Variants in CAPN3 observed in about 807,000 individuals in gnomAD.
CAPN3 encodes the protein calpain-3.
A neutral mutation model predicts 114.0 loss-of-function variants in CAPN3; 88 were observed. That is an observed-to-expected ratio of 0.77 (90% CI 0.65 to 0.92). CAPN3 has a LOEUF of 0.92. CAPN3 is among the 40% of genes least tolerant of loss of function. The pLI is 0.00. For synonymous variants in CAPN3, 386 were observed against 382.9 expected (o/e 1.01, Z -0.09); for missense variants, 1,028 against 1,069.0 (o/e 0.96, Z 0.53).
At chr15:42,408,790 A>G in intron 16 of CAPN3, 2 of 320,754 alleles carry the variant, frequency 6.2e-6, no homozygotes, top group Non-Finnish European at 6.1e-6. Flanking sequence ...CCTTAGAGGC[A>G]AAAGTCTCCA....
chr15:42,379,341 A>G lies in CAPN3; in HGVS notation c.310-5142A>G, dbSNP rs117802053. Among the ~76,000 whole-genome samples, 677 of 152,150 alleles carry G rather than the reference A, an allele frequency of 4.4e-3. 6 individuals carry two copies. Among genetic ancestry groups the G allele is most frequent in the Non-Finnish European group, 7.9e-3 (540 of 67,998 alleles). On this transcript the variant is annotated intron_variant, in intron 1 of 23. Transcript: ENST00000397163. ...AAAAAAATTGGTTAAGGTGTGTTTTATGGCTCAGAATGTGTTCTGTCTTAC... is the reference window on the plus strand; with the variant it reads ...AAAAAAATTGGTTAAGGTGTGTTTTGTGGCTCAGAATGTGTTCTGTCTTAC...
intron 1 of CAPN3, among the ~76,000 whole-genome samples, chr15:42,372,169 T>C (rs1453959412): frequency 6.6e-6 from 1 of 152,116 alleles, no homozygotes; most frequent in Non-Finnish European, 1.5e-5. Context: ...TAACATTTTT[T>C]TTTCTTTGAG....
chr15:42,370,378 G>A (rs1331568663), intron 1 of CAPN3, among the ~76,000 whole-genome samples: 2 of 152,198 alleles, frequency 1.3e-5, no homozygotes, highest in Non-Finnish European at 2.9e-5. Context: ...CTCCATGCCA[G>A]CATGAGAAGA....
chr15:42,365,577 T>C (rs1021435103), intron 1 of CAPN3, among the ~76,000 whole-genome samples: 3 of 151,932 alleles, frequency 2.0e-5, no homozygotes, highest in East Asian at 1.9e-4. Flanking sequence ...ATGGGTCTTT[T>C]CCCCTCACCT....
In CAPN3 at chr15:42,409,931, A is replaced by C. The variant is rs747745544; in HGVS notation, c.2051A>C (p.His684Pro). 1 of 1,612,502 alleles carries C rather than the reference A, an allele frequency of 6.2e-7. No individual in the cohort carries two copies. Among genetic ancestry groups the C allele is most frequent in the African/African-American group, 1.3e-5 (1 of 74,852 alleles). ...TCCTCACTCTTCTCCATCCCCCCAG[A>C]CAAGGACCTGAAGACACACGGGTTC... ...KKVLNTVVNK[H>P]KDLKTHGFTL... Residue 684 changes from histidine (H) to proline (P), a missense_variant and splice_region_variant, in exon 19 of 24, where the codon CAC becomes CCC. His to Pro is a moderately conservative substitution (Grantham distance 77, BLOSUM62 -2). Coordinates refer to ENST00000397163, the MANE Select transcript of CAPN3 (RefSeq NM_000070.3).
chr15:42,366,830 TTTTTTTTTTC>T (rs998478867), intron 1 of CAPN3, among the ~76,000 whole-genome samples: 1 of 141,372 alleles, frequency 7.1e-6, no homozygotes, highest in African/African-American at 2.9e-5. Flanking sequence ...TTTTTTTTCT[TTTTTTTTTTC>T]TTTTTTTTTT....
chr15:42,403,639 C>A, intron 13 of CAPN3, 102 bp from the exon 14 acceptor site: 1 of 1,097,778 alleles, frequency 9.1e-7, no homozygotes, highest in Non-Finnish European at 1.4e-6. Flanking sequence ...GAGGCTGGTT[C>A]TGGCTTGGCT....
chr15:42,402,849 A>G lies in CAPN3; in HGVS notation c.1592A>G (p.Lys531Arg), dbSNP rs924102990. The stretch of plus-strand genomic sequence containing the variant: ...GACTTCTTCCTGTACAACGCCTCCA[A>G]GGCCAGGAGCAAAACCTACATCAAC... ...QKDFFLYNAS[K>R]ARSKTYINMR... Residue 531 changes from lysine to arginine, a missense_variant, in exon 13 of 24, where the codon AAG (lysine) becomes AGG (arginine). Lys to Arg is a conservative substitution (Grantham distance 26). Coordinates refer to ENST00000397163, the MANE Select transcript of CAPN3 (RefSeq NM_000070.3). 6.2e-7 allele frequency: 1 copy of G among 1,614,212 alleles called. No homozygotes were observed. Among genetic ancestry groups the G allele is most frequent in the Non-Finnish European group, 8.5e-7 (1 of 1,180,026 alleles).
intron 14 of CAPN3, among the ~76,000 whole-genome samples, chr15:42,405,654 C>T (rs910316233): frequency 1.3e-5 from 2 of 152,140 alleles, no homozygotes; most frequent in Non-Finnish European, 2.9e-5. Flanking sequence ...AAACCTTAGC[C>T]AGAAGATCTT....
At position 42,359,857 on chromosome 15, in the gene CAPN3, C is replaced by T. The variant is rs764247865; in HGVS notation, c.52C>T (p.Arg18Trp). The T allele has an allele frequency of 1.1e-5, 18 of 1,614,076 alleles. No individual in the cohort carries two copies. Among genetic ancestry groups the T allele is most frequent in the African/African-American group, 9.3e-5 (7 of 74,946 alleles). ...GGCTCCAAGGACAGCGGCTGAGCCCCGGTCCCCAGGGCCAGTTCCTCACCC... is the reference window on the plus strand; with the variant it reads ...GGCTCCAAGGACAGCGGCTGAGCCCTGGTCCCCAGGGCCAGTTCCTCACCC... ...SVAPRTAAEPRSPGPVPHPAQ... is the reference protein window; with the variant it reads ...SVAPRTAAEPWSPGPVPHPAQ... Residue 18 changes from arginine to tryptophan, a missense_variant, in exon 1 of 24, where the codon CGG becomes TGG. Coordinates refer to ENST00000397163, the MANE Select transcript of CAPN3 (RefSeq NM_000070.3).
chr15:42,402,677 T>C, intron 12 of CAPN3, 117 bp from the exon 13 acceptor site: 1 of 1,561,928 alleles, frequency 6.4e-7, no homozygotes, highest in East Asian at 2.4e-5. Context: ...AGTAGGGAGG[T>C]TGAAACTGTG....
intron 1 of CAPN3, 24 bp from the exon 2 acceptor site, chr15:42,384,458 TG>T: frequency 6.4e-7 from 1 of 1,555,778 alleles, no homozygotes; most frequent in Non-Finnish European, 8.9e-7. Flanking sequence ...TATTCTTACC[TG>T]GTCATTTCCT....
In CAPN3 at chr15:42,363,063, T is replaced by G. The variant is rs148774704; in HGVS notation, c.309+2949T>G. 2.0e-5 allele frequency among the ~76,000 whole-genome samples: 3 copies of G among 152,292 alleles called. No homozygotes were observed. The East Asian group carries it at 5.8e-4, about 29-fold the overall frequency. ...AGAATTATTCCTGGCCAACTATAAT[T>G]CTAGTTAAAATAGCATGCTGCACTT... On this transcript the variant is annotated intron_variant, in intron 1 of 23. Transcript: ENST00000397163.
At chr15:42,377,756 T>C (rs1158713797) in intron 1 of CAPN3, among the ~76,000 whole-genome samples, 1 of 152,264 alleles carries the variant, frequency 6.6e-6, no homozygotes, top group Admixed American at 6.5e-5. Context: ...TATTTCTTCC[T>C]TGAATATTTG....
chr15:42,405,854 C>T, intron 14 of CAPN3, 72 bp from the exon 15 acceptor site: 5 of 1,293,662 alleles, frequency 3.9e-6, no homozygotes, highest in Non-Finnish European at 5.6e-6. Context: ...ACAGGGAAGC[C>T]AAAAGCCACT....
rs28364410 is a variant in CAPN3 at position 42,388,103 on chromosome 15, T to A, written c.632+217T>A. Among the ~76,000 whole-genome samples the A allele has an allele frequency of 0.03, 4,528 of 152,320 alleles. 93 individuals are homozygous for A. The highest frequency in any genetic ancestry group is 0.044 in the Non-Finnish European group (2,975 of 68,026). ...TTAAGAGTAGAAATGAAGATTTGCATAGAAGACCTTTAGCTTTAGCTTACC... is the reference window on the plus strand; with the variant it reads ...TTAAGAGTAGAAATGAAGATTTGCAAAGAAGACCTTTAGCTTTAGCTTACC... On this transcript the variant is annotated intron_variant, in intron 4 of 23. Transcript: ENST00000397163.
At chr15:42,386,764 C>G (rs1017554386) in intron 3 of CAPN3, among the ~76,000 whole-genome samples, 2 of 152,176 alleles carry the variant, frequency 1.3e-5, no homozygotes, top group African/African-American at 4.8e-5. Context: ...GATCAGGCTT[C>G]TTGTTTGCCC....
intron 2 of CAPN3, chr15:42,385,531 C>CACACAG (rs954375181): frequency 7.8e-5 from 28 of 361,182 alleles, no homozygotes; most frequent in African/African-American, 5.9e-4. Context: ...TATACACACA[C>CACACAG]AGAGAGAGAG....
intron 1 of CAPN3, among the ~76,000 whole-genome samples, chr15:42,382,067 A>C (rs2053264300): frequency 6.6e-6 from 1 of 152,186 alleles, no homozygotes; most frequent in Admixed American, 6.5e-5. Flanking sequence ...TCCTTGGTTC[A>C]CATTTTCTTT....
Sources: gnomAD v4.1 joint callset for allele counts (sites outside exome capture counted in the v4.1 genomes callset) on GRCh38, gnomAD v4.1.1 for gene constraint, MANE v1.5 for transcripts, NCBI Gene and HGNC (gene_info 2026-07-23, HGNC 2026-07-21) for gene names.